ATG4B: variants seen among roughly 807,000 people sequenced by gnomAD.
ATG4B encodes cysteine protease ATG4B.
In ATG4B, 29 loss-of-function variants were observed where a neutral mutation model predicts 56.6. That is an observed-to-expected ratio of 0.51 (90% CI 0.38 to 0.70). The LOEUF is 0.70. ATG4B is among the 30% of genes least tolerant of loss of function. The pLI, the probability that ATG4B is intolerant of heterozygous loss-of-function variation, is 0.00. For missense variants in ATG4B, 461 were observed against 515.5 expected (o/e 0.89, Z 1.02); for synonymous variants, 224 against 206.1 (o/e 1.09, Z -0.74).
rs1473797885 is a variant in ATG4B, at chr2:241,668,426, C to A, written c.812-114C>A. The A allele has an allele frequency of 1.4e-6, 2 of 1,469,406 alleles. No homozygotes were observed. The highest frequency in any genetic ancestry group is 1.4e-5 in the African/African-American group (1 of 71,650). The allele number at this position is 1,469,406 out of a possible 1,614,324, so 91.0% of individuals were successfully genotyped here. On this transcript the variant is annotated intron_variant, in intron 9 of 12. Coordinates refer to ENST00000404914, the MANE Select transcript of ATG4B (RefSeq NM_013325.5). The surrounding 1 kb of genome is among the most constrained non-coding windows in gnomAD (Gnocchi z 4.2). ...GTGCCCTCGGCTCCCTCCCCACCTCCTGCCCACTGCTTCTCAGTGTGATGT... is the reference window on the plus strand; with the variant it reads ...GTGCCCTCGGCTCCCTCCCCACCTCATGCCCACTGCTTCTCAGTGTGATGT...
At chr2:241,659,866 G>T (rs1322937770) in intron 7 of ATG4B, 1 of 161,968 alleles carries the variant, frequency 6.2e-6, no homozygotes, top group Admixed American at 5.8e-5. Flanking sequence ...CTACATGTAG[G>T]CTATTGCCTT....
Position 241,658,363 on chromosome 2 carries a change from G to A in ATG4B, c.459-745G>A, listed in dbSNP as rs562537335. Among the ~76,000 whole-genome samples, 111 of 152,254 alleles carry A rather than the reference G, an allele frequency of 7.3e-4. 1 individual carries two copies. The highest frequency in any genetic ancestry group is 1.5e-3 in the Non-Finnish European group (99 of 68,014). ...TCCTCCCAGTGTCCCCCCTGGGCTT[G>A]TGCATTGGGAGGGGCTCTGTGTGGT... is the stretch of plus-strand genomic sequence containing the variant. On this transcript the variant is annotated intron_variant, in intron 6 of 12. Coordinates refer to ENST00000404914, the MANE Select transcript of ATG4B (RefSeq NM_013325.5).
At chr2:241,644,947 C>CA (rs35177697) in intron 1 of ATG4B, among the ~76,000 whole-genome samples, 46,616 of 137,136 alleles carry the variant, frequency 0.34, 7,462 homozygotes, top group African/African-American at 0.4. Flanking sequence ...AACTCCATCT[C>CA]AAAAAAAAAA....
At chr2:241,655,541 G>A (rs1010355643) in intron 6 of ATG4B, 198 bp downstream of exon 6, 5 of 606,124 alleles carry the variant, frequency 8.2e-6, no homozygotes, top group African/African-American at 1.9e-5. Flanking sequence ...AATGAACACC[G>A]TAGTCCACAT....
intron 1 of ATG4B, among the ~76,000 whole-genome samples, chr2:241,642,842 C>G (rs1159217325): frequency 9.7e-6 from 1 of 103,096 alleles, no homozygotes; most frequent in African/African-American, 3.6e-5. Context: ...AAGGGGGACT[C>G]TTTCTTAAGG....
intron 8 of ATG4B, chr2:241,667,913 C>T (rs757092164): frequency 9.5e-6 from 5 of 525,870 alleles, no homozygotes; most frequent in Middle Eastern, 5.2e-4. Context: ...CCAAAGCCCA[C>T]CTCTGACATG....
In ATG4B at chr2:241,668,281, A is replaced by C; in HGVS notation, c.811+60A>C. 1 of 1,534,766 alleles carries C rather than the reference A, an allele frequency of 6.5e-7. No homozygotes were observed. The highest frequency in any genetic ancestry group is 2.4e-5 in the East Asian group (1 of 40,878). On this transcript the variant is annotated intron_variant, in intron 9 of 12. Transcript: ENST00000404914. The surrounding 1 kb of genome is among the most constrained non-coding windows in gnomAD (Gnocchi z 4.2). ...CTGGGCCTTTTAAGGGCATTCCATG[A>C]GCAGGTACCACACCCCAGGTGACCA...
chr2:241,655,113 CT>C, intron 5 of ATG4B, 157 bp from the exon 6 acceptor site: 1 of 681,674 alleles, frequency 1.5e-6, no homozygotes, highest in Middle Eastern at 3.5e-4. Context: ...TGTTTGCCCC[CT>C]CATGCCTCCC....
intron 3 of ATG4B, chr2:241,653,286 A>T: frequency 6.6e-7 from 1 of 1,503,792 alleles, no homozygotes. Flanking sequence ...TGACTTGTTC[A>T]TGTGTTTTGC....
At chr2:241,669,810 C>T (rs111244550) in intron 10 of ATG4B, among the ~76,000 whole-genome samples, 4 of 152,280 alleles carry the variant, frequency 2.6e-5, no homozygotes, top group African/African-American at 9.6e-5. Context: ...CGCAGCCTGG[C>T]GCACACTTCT....
chr2:241,639,664 T>TCCACCCAAAGTCGGGTGGTCTC (rs1292560438), intron 1 of ATG4B, among the ~76,000 whole-genome samples: 4 of 152,182 alleles, frequency 2.6e-5, no homozygotes, highest in Admixed American at 1.3e-4. Flanking sequence ...AGGGTGGTCT[T>TCCACCCAAAGTCGGGTGGTCTC]CCACCCAAAG....
chr2:241,672,429 CT>C lies in ATG4B; in HGVS notation c.*167del. ...ACTGAGGCTGCGCTGCCCGGGAGGC[CT>C]TACTGCTTGGTGTCAGACTGCCCAG... On this transcript the variant is annotated 3_prime_UTR_variant, in exon 13 of 13. Coordinates refer to ENST00000404914, the MANE Select transcript of ATG4B (RefSeq NM_013325.5). 1.5e-6 allele frequency: 1 copy of C among 658,042 alleles called. No individual in the cohort carries two copies. Among genetic ancestry groups the C allele is most frequent in the Non-Finnish European group, 2.6e-6 (1 of 385,650 alleles). The allele number at this position is 658,042 out of a possible 1,614,324, so 40.8% of individuals were successfully genotyped here.
intron 7 of ATG4B, chr2:241,659,867 C>T (rs946190885): frequency 1.2e-5 from 2 of 161,970 alleles, no homozygotes; most frequent in African/African-American, 4.8e-5. Context: ...TACATGTAGG[C>T]TATTGCCTTG....
intron 7 of ATG4B, among the ~76,000 whole-genome samples, chr2:241,661,643 C>G (rs142802484): frequency 0.05 from 7,656 of 152,284 alleles, 372 homozygotes; most frequent in African/African-American, 0.13. Flanking sequence ...ACTAAAGCTT[C>G]TTCCTGCAGC....
chr2:241,659,977 G>A (rs914295866), intron 7 of ATG4B, among the ~76,000 whole-genome samples: 1 of 152,166 alleles, frequency 6.6e-6, no homozygotes, highest in Non-Finnish European at 1.5e-5. Flanking sequence ...GGATCATGAG[G>A]TCAGGAGTTC....
intron 1 of ATG4B, among the ~76,000 whole-genome samples, chr2:241,647,166 G>A (rs1392059758): frequency 6.6e-6 from 1 of 152,176 alleles, no homozygotes; most frequent in Non-Finnish European, 1.5e-5. Context: ...AACATCTGTA[G>A]TCTACAAAGA....
chr2:241,665,119 C>G (rs1272986220), intron 7 of ATG4B, among the ~76,000 whole-genome samples: 3 of 152,206 alleles, frequency 2.0e-5, no homozygotes, highest in Non-Finnish European at 4.4e-5. Context: ...GACCCCGTCT[C>G]TAAAAGAAAT....
At chr2:241,670,324 G>A (rs1469723474) in intron 10 of ATG4B, among the ~76,000 whole-genome samples, 4 of 150,114 alleles carry the variant, frequency 2.7e-5, no homozygotes, top group Admixed American at 1.3e-4. Context: ...GGCCTTTGCC[G>A]CCAAGCTTCC....
At chr2:241,670,437 G>A in intron 10 of ATG4B, 1 of 492,166 alleles carries the variant, frequency 2.0e-6, no homozygotes, top group Non-Finnish European at 3.7e-6. Context: ...CCCAATCCCG[G>A]AACACTCGGT....
Sources: allele counts gnomAD v4.1 joint callset (sites outside exome capture counted in the v4.1 genomes callset), GRCh38; gene constraint gnomAD v4.1.1; non-coding constraint Gnocchi (gnomAD v3.1); transcripts MANE v1.5; gene names NCBI Gene and HGNC (gene_info 2026-07-23, HGNC 2026-07-21).